Variants in WRNIP1 observed in about 807,000 individuals in gnomAD.
WRNIP1 encodes the protein WRN helicase interacting protein 1.
A neutral mutation model predicts 56.1 loss-of-function variants in WRNIP1; 41 were observed. That is an observed-to-expected ratio of 0.73 (90% CI 0.57 to 0.95). The LOEUF (loss-of-function observed/expected upper bound fraction) is 0.95, where lower values mean the gene tolerates loss of function less well. Ranked by LOEUF, WRNIP1 falls within the 40% of genes least tolerant of loss-of-function variation. The pLI, the probability that WRNIP1 is intolerant of heterozygous loss-of-function variation, is 0.00. For synonymous variants in WRNIP1, 547 were observed against 398.1 expected, an observed-to-expected ratio of 1.37 and a Z score of -4.45; for missense variants, 1,170 against 939.4, an observed-to-expected ratio of 1.25 and a Z score of -3.21.
chr6:2,781,261 TGGG>T (rs1026297651), intron 4 of WRNIP1, among the ~76,000 whole-genome samples: 1 of 152,210 alleles, frequency 6.6e-6, no homozygotes, highest in African/African-American at 2.4e-5. Flanking sequence ...AGCTTGGAGC[TGGG>T]GGGTGGTGGA....
chr6:2,773,853 C>T (rs1044585711), intron 3 of WRNIP1: 28 of 984,086 alleles, frequency 2.8e-5, no homozygotes, highest in Non-Finnish European at 2.9e-5. Flanking sequence ...TAACTGCCCT[C>T]TGCCTAGCTA....
At chr6:2,782,653 A>AT (rs952662083) in intron 4 of WRNIP1, among the ~76,000 whole-genome samples, 48 of 152,372 alleles carry the variant, frequency 3.2e-4, no homozygotes, top group African/African-American at 1.2e-3. Flanking sequence ...AGTGAAATGT[A>AT]TGCAGGTGCC....
At chr6:2,776,240 T>C (rs1289210986) in intron 3 of WRNIP1, among the ~76,000 whole-genome samples, 1 of 152,158 alleles carries the variant, frequency 6.6e-6, no homozygotes, top group Non-Finnish European at 1.5e-5. Context: ...GAGTTCAAGA[T>C]ATATTGGGTG....
chr6:2,771,844 GA>G (rs1039698312), intron 3 of WRNIP1, among the ~76,000 whole-genome samples: 1 of 152,172 alleles, frequency 6.6e-6, no homozygotes, highest in African/African-American at 2.4e-5. Flanking sequence ...GAAAAGGGGG[GA>G]AATCCTAACA....
Position 2,765,402 on chromosome 6 carries a change from G to T in WRNIP1, c.-221G>T, listed in dbSNP as rs1278269694. 1 of 419,558 alleles carries T rather than the reference G, an allele frequency of 2.4e-6. No individual in the cohort carries two copies. The highest frequency in any genetic ancestry group is 3.8e-6 in the Non-Finnish European group (1 of 266,070). 26.0% of individuals were successfully genotyped at this position (419,558 alleles called of 1,614,324 possible). ...CAAACGGCCACGAACTACACTTCCCGACACGCCGCGTGAGGCGCTGCCAGC... is the reference window on the plus strand; with the variant it reads ...CAAACGGCCACGAACTACACTTCCCTACACGCCGCGTGAGGCGCTGCCAGC... On this transcript the variant is annotated 5_prime_UTR_variant, in exon 1 of 7. Coordinates refer to ENST00000380773, the MANE Select transcript of WRNIP1 (RefSeq NM_020135.3).
At position 2,770,255 on chromosome 6, in the gene WRNIP1, G is replaced by A; in HGVS notation, c.1150G>A (p.Ala384Thr). 6.2e-7 allele frequency: 1 copy of A among 1,614,160 alleles called. No individual in the cohort carries two copies. ...VIVLEKLPVE[A>T]MVTILMRAIN... ...TGTTCTTGAGAAGCTTCCAGTAGAG[G>A]CAATGGTGACTATTTTAATGCGAGC... The change falls in exon 3 of 7, where the codon GCA becomes ACA. Residue 384 changes from alanine (A) to threonine (T), a missense_variant. Coordinates refer to ENST00000380773, the MANE Select transcript of WRNIP1 (RefSeq NM_020135.3).
intron 2 of WRNIP1, among the ~76,000 whole-genome samples, chr6:2,769,322 G>A (rs1400023602): frequency 6.6e-6 from 1 of 152,026 alleles, no homozygotes; most frequent in Non-Finnish European, 1.5e-5. Context: ...GTGAATGTTG[G>A]AAGAGCTAAT....
In WRNIP1 at chr6:2,785,003, G is replaced by C. The variant is rs1765675693; in HGVS notation, c.1723-4G>C. ...GTAAAATGTGTCCTCTGTGTCATTG[G>C]TAGGTGCTTCTGGCCCAGTGTGTGG... On this transcript the variant is annotated splice_polypyrimidine_tract_variant and splice_region_variant and intron_variant, in intron 6 of 6. Transcript: ENST00000380773. The C allele has an allele frequency of 6.2e-7, 1 of 1,613,742 alleles. No individual in the cohort carries two copies.
At position 2,785,426 on chromosome 6, in the gene WRNIP1, A is replaced by G; in HGVS notation, c.*144A>G. ...AGAAATTTAAGAGTTCCATAGGTGG[A>G]GGCGCAGTTCTTTCGAATAAATGTG... On this transcript the variant is annotated 3_prime_UTR_variant, in exon 7 of 7. Transcript: ENST00000380773. 2 of 857,394 alleles carry G rather than the reference A, an allele frequency of 2.3e-6. No individual in the cohort carries two copies. Among genetic ancestry groups the G allele is most frequent in the Non-Finnish European group, 3.5e-6 (2 of 565,768 alleles). The allele number at this position is 857,394 out of a possible 1,614,324, so 53.1% of individuals were successfully genotyped here.
chr6:2,786,670 G>A lies in WRNIP1; in HGVS notation c.*1388G>A, dbSNP rs1200807601. 7.3e-6 allele frequency: 1 copy of A among 136,790 alleles called. No individual in the cohort carries two copies. The highest frequency in any genetic ancestry group is 1.6e-5 in the Non-Finnish European group (1 of 60,920). The allele number at this position is 136,790 out of a possible 1,614,324, so 8.5% of individuals were successfully genotyped here. A position where few individuals can be genotyped will look rare whatever the true frequency, so the allele number is the denominator to read the frequency against. ...TCAGACGTGTCTGAGGGTTTGGCTA[G>A]TAATAAATTGTAGGTAAGAAATTAC... On this transcript the variant is annotated 3_prime_UTR_variant, in exon 7 of 7. Transcript: ENST00000380773.
At chr6:2,767,103 G>C (rs1765049731) in intron 1 of WRNIP1, among the ~76,000 whole-genome samples, 1 of 152,108 alleles carries the variant, frequency 6.6e-6, no homozygotes, top group Non-Finnish European at 1.5e-5. Flanking sequence ...TTGTACTCTA[G>C]AGAAGAAACA....
At chr6:2,779,644 A>G in intron 4 of WRNIP1, 152 bp downstream of exon 4, 1 of 831,162 alleles carries the variant, frequency 1.2e-6, no homozygotes, top group Non-Finnish European at 1.9e-6. Context: ...TGTTGGTATT[A>G]AGCCTTCTAC....
rs754847977 is a variant in WRNIP1 at position 2,770,149 on chromosome 6, G to A, written c.1044G>A (p.Gly348=). The A allele has an allele frequency of 1.7e-5, 28 of 1,614,080 alleles. No homozygotes were observed. In the Admixed American group the frequency reaches 2.7e-4, roughly 15 times the overall value. The change falls in exon 3 of 7, where the codon GGG becomes GGA. Residue 348 remains glycine (G), a synonymous_variant. Transcript: ENST00000380773. ...CTTTCCTTCCTCACGTGGAATGTGGGACGATCACTCTGATTGGGGCAACCA... is the reference window on the plus strand; with the variant it reads ...CTTTCCTTCCTCACGTGGAATGTGGAACGATCACTCTGATTGGGGCAACCA... ...QDTFLPHVEC[G]TITLIGATTE... is the part of the protein sequence containing the mutation.
At chr6:2,777,890 A>G (rs1765469259) in intron 3 of WRNIP1, among the ~76,000 whole-genome samples, 1 of 152,182 alleles carries the variant, frequency 6.6e-6, no homozygotes, top group South Asian at 2.1e-4. Flanking sequence ...TCTGGGGCCC[A>G]GGCAGTTGGC....
intron 2 of WRNIP1, among the ~76,000 whole-genome samples, chr6:2,769,617 C>T (rs185802453): frequency 6.6e-6 from 1 of 152,102 alleles, no homozygotes; most frequent in African/African-American, 2.4e-5. Flanking sequence ...GAGGCGTTAG[C>T]ATTCTAGGTT....
At chr6:2,779,602 G>GGA (rs753618274) in intron 4 of WRNIP1, 110 bp downstream of exon 4, 841 of 1,132,780 alleles carry the variant, frequency 7.4e-4, no homozygotes, top group Non-Finnish European at 8.7e-4. Flanking sequence ...GCTGGGTCCA[G>GGA]AGCATTCCAG....
chr6:2,766,704 T>C (rs937105399), intron 1 of WRNIP1, among the ~76,000 whole-genome samples: 2 of 152,210 alleles, frequency 1.3e-5, no homozygotes, highest in African/African-American at 4.8e-5. Flanking sequence ...TCCATAGTTT[T>C]ACAAGATGTG....
At position 2,765,536 on chromosome 6, in the gene WRNIP1, G is replaced by T. The variant is rs1764900121; in HGVS notation, c.-87G>T. 4 of 1,324,472 alleles carry T rather than the reference G, an allele frequency of 3.0e-6. No homozygotes were observed. In the African/African-American group the frequency reaches 6.2e-5, roughly 21 times the overall value. 82.0% of individuals were successfully genotyped at this position (1,324,472 alleles called of 1,614,324 possible). A position where few individuals can be genotyped will look rare whatever the true frequency, so the allele number is the denominator to read the frequency against. The stretch of plus-strand genomic sequence containing the variant: ...GTTCCCCGAGCGAGGGTCTCGCGGC[G>T]CGGGGCCTAGCGGAGGGCATCGAAG... On this transcript the variant is annotated 5_prime_UTR_variant, in exon 1 of 7. Coordinates refer to ENST00000380773, the MANE Select transcript of WRNIP1 (RefSeq NM_020135.3).
intron 1 of WRNIP1, among the ~76,000 whole-genome samples, chr6:2,766,683 A>G (rs962728307): frequency 2.0e-5 from 3 of 152,102 alleles, no homozygotes; most frequent in African/African-American, 4.8e-5. Flanking sequence ...CAAAAGGACG[A>G]TGTCTGTGAA....
Sources: allele counts gnomAD v4.1 joint callset (sites outside exome capture counted in the v4.1 genomes callset), GRCh38; gene constraint gnomAD v4.1.1; transcripts MANE v1.5; gene names NCBI Gene and HGNC (gene_info 2026-07-23, HGNC 2026-07-21).